Variants in TANC2 observed in about 807,000 individuals in gnomAD.
TANC2 encodes tetratricopeptide repeat, ankyrin repeat and coiled-coil containing 2, also known as protein TANC2.
A neutral mutation model predicts 210.5 loss-of-function variants in TANC2; 26 were observed. That is an observed-to-expected ratio of 0.12 (90% CI 0.09 to 0.17). The LOEUF (loss-of-function observed/expected upper bound fraction) is 0.17. Among genes scored for constraint, TANC2 ranks in the 10% least tolerant of loss-of-function variants. TANC2 has a pLI of 1.00. For synonymous variants in TANC2, 931 were observed against 967.1 expected (o/e 0.96, Z 0.69); for missense variants, 2,129 against 2,608.9 (o/e 0.82, Z 4.01).
intron 4 of TANC2, among the ~76,000 whole-genome samples, chr17:63,142,937 T>G (rs972952198): frequency 6.6e-6 from 1 of 152,176 alleles, no homozygotes; most frequent in Non-Finnish European, 1.5e-5. Flanking sequence ...GGCACTTGGC[T>G]TTCTCCTGTT....
At chr17:63,025,857 T>TAAAATAAAATAAAATAAAATAAAAA (rs1555757323) in intron 2 of TANC2, among the ~76,000 whole-genome samples, 10 of 148,858 alleles carry the variant, frequency 6.7e-5, no homozygotes, top group African/African-American at 2.5e-4. Flanking sequence ...TAAAATAAAA[T>TAAAATAAAATAAAATAAAATAAAAA]AAAAAATAAA....
At chr17:63,193,093 T>A (rs1378964504) in intron 5 of TANC2, among the ~76,000 whole-genome samples, 2 of 152,196 alleles carry the variant, frequency 1.3e-5, no homozygotes, top group East Asian at 3.8e-4. Context: ...CAGTTTTGCC[T>A]TTTCATTTTA....
At chr17:63,162,705 T>G (rs1303209237) in intron 5 of TANC2, among the ~76,000 whole-genome samples, 1 of 152,124 alleles carries the variant, frequency 6.6e-6, no homozygotes. Flanking sequence ...CGTGAGCTGG[T>G]AGAAAGCCTC....
intron 1 of TANC2, among the ~76,000 whole-genome samples, chr17:62,980,173 T>C (rs954229162): frequency 1.1e-4 from 17 of 152,210 alleles, no homozygotes; most frequent in African/African-American, 3.6e-4. Flanking sequence ...AACTGAGCTC[T>C]CTTCCTGAGG....
At chr17:63,345,236 A>G (rs1475871730) in intron 12 of TANC2, among the ~76,000 whole-genome samples, 1 of 152,246 alleles carries the variant, frequency 6.6e-6, no homozygotes, top group Non-Finnish European at 1.5e-5. Context: ...AATATTGCAG[A>G]GTGAAATTAA....
In TANC2 at chr17:63,415,532, G is replaced by A. The variant is rs939147095; in HGVS notation, c.4025G>A (p.Gly1342Asp). The stretch of plus-strand genomic sequence containing the variant: ...GCCATCTTGTGCTCCCATTAGAAAG[G>A]TAAAGTAAAGGAAGCTGCCCAGCGC... The change falls in exon 26 of 28, where the codon GGT becomes GAT. Residue 1342 changes from glycine (G) to aspartate (D), a missense_variant. Physicochemically the swap from Gly to Asp is moderately conservative, Grantham distance 94. Around this residue, in one of 5 missense-constraint regions of TANC2, gnomAD observed 644 missense variants for 937.5 expected, o/e 0.69. Coordinates refer to ENST00000689528, the Ensembl canonical transcript of TANC2. 7.4e-6 allele frequency: 12 copies of A among 1,613,482 alleles called. No individual in the cohort carries two copies. In the African/African-American group the frequency reaches 1.6e-4, roughly 22 times the overall value.
chr17:63,414,162 C>A (rs1233458079), intron 25 of TANC2: 1 of 152,268 alleles, frequency 6.6e-6, no homozygotes. Flanking sequence ...ACAGTCCAAG[C>A]TGAAGGCTCC....
intron 5 of TANC2, among the ~76,000 whole-genome samples, chr17:63,157,881 A>G (rs941042634): frequency 6.6e-6 from 1 of 152,020 alleles, no homozygotes; most frequent in African/African-American, 2.4e-5. Context: ...TTCCAAAGTG[A>G]TGGGATTACA....
intron 2 of TANC2, among the ~76,000 whole-genome samples, chr17:63,024,796 T>C (rs1186265536): frequency 6.6e-6 from 1 of 152,198 alleles, no homozygotes; most frequent in Non-Finnish European, 1.5e-5. Flanking sequence ...ATAGAAGCCA[T>C]TGAATTCTCA....
At chr17:63,138,301 GTTGT>G (rs1567755433) in intron 4 of TANC2, among the ~76,000 whole-genome samples, 1 of 152,182 alleles carries the variant, frequency 6.6e-6, no homozygotes, top group Non-Finnish European at 1.5e-5. Context: ...CTGAGATAAA[GTTGT>G]TTGTTTCAGC....
intron 1 of TANC2, among the ~76,000 whole-genome samples, chr17:62,974,988 T>C (rs2031921266): frequency 6.6e-6 from 1 of 152,220 alleles, no homozygotes; most frequent in African/African-American, 2.4e-5. Flanking sequence ...CATTATCATA[T>C]GATGACGTAG....
At chr17:63,282,545 A>C (rs1014619601) in intron 9 of TANC2, among the ~76,000 whole-genome samples, 40 of 152,260 alleles carry the variant, frequency 2.6e-4, no homozygotes, top group African/African-American at 9.6e-4. Context: ...ATTCTATCAA[A>C]TATTTAAGAG....
chr17:63,036,427 A>T (rs2034974518), intron 2 of TANC2, among the ~76,000 whole-genome samples: 1 of 152,108 alleles, frequency 6.6e-6, no homozygotes, highest in Non-Finnish European at 1.5e-5. Flanking sequence ...GACTGTATTT[A>T]TTTAGATGTA....
exon 28 of TANC2, chr17:63,423,616 A>G (rs2049076406): frequency 6.6e-6 from 1 of 152,228 alleles, no homozygotes. Flanking sequence ...CTGGTAAGTA[A>G]GTAAGTAAGT....
At chr17:63,324,378 G>T (rs2045581927) in intron 11 of TANC2, among the ~76,000 whole-genome samples, 1 of 152,132 alleles carries the variant, frequency 6.6e-6, no homozygotes, top group Non-Finnish European at 1.5e-5. Flanking sequence ...TCCTGAAATT[G>T]TTGCAGTCAC....
intron 1 of TANC2, among the ~76,000 whole-genome samples, chr17:63,002,931 T>A (rs1598226337): frequency 1.3e-5 from 2 of 152,316 alleles, no homozygotes; most frequent in South Asian, 4.1e-4. Flanking sequence ...GTTATGAAAA[T>A]TGTTGTACTA....
chr17:63,166,983 A>G (rs1439092387), intron 5 of TANC2, among the ~76,000 whole-genome samples: 1 of 152,146 alleles, frequency 6.6e-6, no homozygotes, highest in Non-Finnish European at 1.5e-5. Context: ...TGGAGAGAAT[A>G]CAAGAAGGAA....
intron 9 of TANC2, among the ~76,000 whole-genome samples, chr17:63,288,494 C>G (rs1267064013): frequency 6.6e-6 from 1 of 151,976 alleles, no homozygotes; most frequent in East Asian, 1.9e-4. Context: ...TGCATTCTGC[C>G]CTTGTTGGGT....
Position 63,421,133 on chromosome 17 carries a change from C to G in TANC2, c.5403C>G (p.Ile1801Met), listed in dbSNP as rs766127499. The G allele has an allele frequency of 6.2e-7, 1 of 1,613,978 alleles. No homozygotes were observed. The highest frequency in any genetic ancestry group is 1.7e-5 in the Admixed American group (1 of 60,028). Residue 1801 changes from isoleucine (I) to methionine (M), a missense_variant, in exon 28 of 28, where the codon ATC (isoleucine) becomes ATG (methionine). Physicochemically the swap from Ile to Met is conservative, Grantham distance 10. Transcript: ENST00000689528. The surrounding 1 kb of genome is among the most constrained non-coding windows in gnomAD (Gnocchi z 6.9). Reference sequence around the variant, plus strand: ...TGAGATACAGCCAGACACCACAGATCGGACGCAGCCAGTCAGCATCCTATT... The same window carrying G: ...TGAGATACAGCCAGACACCACAGATGGGACGCAGCCAGTCAGCATCCTATT...
Sources: gnomAD v4.1 joint callset for allele counts (sites outside exome capture counted in the v4.1 genomes callset) on GRCh38, gnomAD v4.1.1 for gene constraint, gnomAD v4.1.1 regional missense constraint, Gnocchi (gnomAD v3.1) non-coding constraint, MANE v1.5 for transcripts, NCBI Gene and HGNC (gene_info 2026-07-23, HGNC 2026-07-21) for gene names.